The following DIP2B variants were observed in gnomAD, a reference collection of about 807,000 sequenced individuals.
The protein encoded by DIP2B is disco-interacting protein 2 homolog B.
A neutral mutation model predicts 198.0 loss-of-function variants in DIP2B; 76 were observed. That is an observed-to-expected ratio of 0.38 (90% CI 0.32 to 0.46). The LOEUF (loss-of-function observed/expected upper bound fraction) is 0.46, where lower values mean the gene tolerates loss of function less well. Among genes scored for constraint, DIP2B ranks in the 20% least tolerant of loss-of-function variants. The pLI is 0.99. For missense variants in DIP2B, 1,559 were observed against 1,978.4 expected (o/e 0.79, Z 4.02); for synonymous variants, 701 against 739.1 (o/e 0.95, Z 0.84).
intron 8 of DIP2B, chr12:50,679,678 T>C (rs2139533281): frequency 6.6e-6 from 1 of 152,388 alleles, no homozygotes; most frequent in Admixed American, 6.5e-5. Flanking sequence ...AAAATTGTTT[T>C]AACATTCACC....
intron 22 of DIP2B, among the ~76,000 whole-genome samples, chr12:50,713,527 C>G (rs138933011): frequency 1.3e-5 from 2 of 152,336 alleles, no homozygotes; most frequent in Non-Finnish European, 2.9e-5. Flanking sequence ...AGTTACATGG[C>G]TGCGAGCACA....
chr12:50,621,465 G>T (rs1937809849), intron 1 of DIP2B, among the ~76,000 whole-genome samples: 1 of 151,890 alleles, frequency 6.6e-6, no homozygotes, highest in South Asian at 2.1e-4. Context: ...AAGTACACAT[G>T]TCTGTTTGAT....
At chr12:50,728,728 G>T in intron 30 of DIP2B, 50 bp downstream of exon 30, 1 of 1,585,076 alleles carries the variant, frequency 6.3e-7, no homozygotes, top group Non-Finnish European at 8.6e-7. Flanking sequence ...TATACTTTGT[G>T]GCCATGGCCA....
At chr12:50,574,501 T>C (rs989932930) in intron 1 of DIP2B, among the ~76,000 whole-genome samples, 1 of 152,218 alleles carries the variant, frequency 6.6e-6, no homozygotes, top group Non-Finnish European at 1.5e-5. Flanking sequence ...ATATGCAGTA[T>C]GCAGACCCTC....
intron 1 of DIP2B, among the ~76,000 whole-genome samples, chr12:50,517,947 A>T (rs983981395): frequency 6.6e-6 from 1 of 152,162 alleles, no homozygotes; most frequent in Non-Finnish European, 1.5e-5. Flanking sequence ...ATAAGTAGTC[A>T]TCAGTTATTG....
intron 28 of DIP2B, among the ~76,000 whole-genome samples, chr12:50,727,475 C>G (rs1395563139): frequency 6.6e-6 from 1 of 152,216 alleles, no homozygotes; most frequent in Non-Finnish European, 1.5e-5. Flanking sequence ...AAGCTGCTAG[C>G]AGATACATTT....
intron 1 of DIP2B, among the ~76,000 whole-genome samples, chr12:50,596,174 A>C (rs1283010850): frequency 6.6e-6 from 1 of 152,242 alleles, no homozygotes; most frequent in Non-Finnish European, 1.5e-5. Context: ...TTTACTTGTA[A>C]GTAAACTTAG....
chr12:50,581,387 T>A (rs2139419779), intron 1 of DIP2B, among the ~76,000 whole-genome samples: 1 of 149,454 alleles, frequency 6.7e-6, no homozygotes, highest in South Asian at 2.2e-4. Flanking sequence ...ACCAGTTCTG[T>A]CAGTAAAACC....
intron 12 of DIP2B, among the ~76,000 whole-genome samples, chr12:50,688,117 C>T (rs942509049): frequency 1.8e-4 from 27 of 151,848 alleles, no homozygotes; most frequent in African/African-American, 6.0e-4. Flanking sequence ...GAGGTTGAGG[C>T]GGGAGGATCA....
At chr12:50,595,273 A>G (rs1958868767) in intron 1 of DIP2B, among the ~76,000 whole-genome samples, 2 of 152,126 alleles carry the variant, frequency 1.3e-5, no homozygotes, top group Admixed American at 6.6e-5. Context: ...TAGCTAGGAG[A>G]GTAAACTGGT....
intron 2 of DIP2B, among the ~76,000 whole-genome samples, chr12:50,632,567 C>T (rs1262289189): frequency 9.4e-5 from 14 of 148,678 alleles, no homozygotes; most frequent in African/African-American, 3.2e-4. Context: ...GACAGAGTCT[C>T]GCTCTGTCAC....
At chr12:50,573,710 T>C (rs1958634833) in intron 1 of DIP2B, among the ~76,000 whole-genome samples, 1 of 152,210 alleles carries the variant, frequency 6.6e-6, no homozygotes, top group East Asian at 1.9e-4. Context: ...TTAAAAATGG[T>C]TAGTCCAATT....
intron 1 of DIP2B, among the ~76,000 whole-genome samples, chr12:50,602,502 C>A (rs562008943): frequency 6.6e-6 from 1 of 152,270 alleles, no homozygotes; most frequent in East Asian, 1.9e-4. Flanking sequence ...AGTGATCCAC[C>A]CACATTGGCC....
At chr12:50,526,846 G>A (rs1660351603) in intron 1 of DIP2B, among the ~76,000 whole-genome samples, 1 of 152,024 alleles carries the variant, frequency 6.6e-6, no homozygotes. Flanking sequence ...ATGTTGGCCA[G>A]GTTGGTCCCA....
chr12:50,642,791 A>C (rs1316695653), intron 3 of DIP2B, among the ~76,000 whole-genome samples: 1 of 152,238 alleles, frequency 6.6e-6, no homozygotes, highest in Admixed American at 6.5e-5. Flanking sequence ...TCTGTCTCAA[A>C]AAAAAACAAC....
At chr12:50,707,747 A>G (rs893292227) in intron 21 of DIP2B, among the ~76,000 whole-genome samples, 3 of 152,046 alleles carry the variant, frequency 2.0e-5, no homozygotes, top group Non-Finnish European at 4.4e-5. Context: ...GCCAGTTTCT[A>G]TGAGGTGTCC....
chr12:50,687,342 G>C (rs1026451431), intron 12 of DIP2B, among the ~76,000 whole-genome samples: 3 of 152,252 alleles, frequency 2.0e-5, no homozygotes, highest in African/African-American at 7.2e-5. Context: ...ACTCAAAAAT[G>C]GCAGAGCTAG....
intron 19 of DIP2B, among the ~76,000 whole-genome samples, chr12:50,699,436 C>T (rs1939377694): frequency 6.6e-6 from 1 of 152,056 alleles, no homozygotes; most frequent in African/African-American, 2.4e-5. Flanking sequence ...ATAATTGTAC[C>T]TATGTCATAG....
At chr12:50,687,461 A>T (rs913015830) in intron 12 of DIP2B, among the ~76,000 whole-genome samples, 1 of 152,132 alleles carries the variant, frequency 6.6e-6, no homozygotes, top group Admixed American at 6.6e-5. Context: ...ATCAATAAAA[A>T]TTTTTTTCAA....
Sources: gnomAD v4.1 joint callset for allele counts (sites outside exome capture counted in the v4.1 genomes callset) on GRCh38, gnomAD v4.1.1 for gene constraint, MANE v1.5 for transcripts, NCBI Gene and HGNC (gene_info 2026-07-23, HGNC 2026-07-21) for gene names.